The following LGR5 variants were observed in gnomAD, a reference collection of about 807,000 sequenced individuals.
LGR5 encodes leucine rich repeat containing G protein-coupled receptor 5.
A neutral mutation model predicts 76.7 loss-of-function variants in LGR5; 54 were observed. The ratio of observed to expected loss-of-function variants is 0.70; its 90% CI spans 0.57 to 0.88. The LOEUF is 0.88. Among genes scored for constraint, LGR5 ranks in the 40% least tolerant of loss-of-function variants. LGR5 has a pLI of 0.00. For missense variants in LGR5, 1,078 were observed against 1,073.3 expected, an observed-to-expected ratio of 1.00 and a Z score of -0.06; for synonymous variants, 406 against 421.9, an observed-to-expected ratio of 0.96 and a Z score of 0.46.
intron 3 of LGR5, among the ~76,000 whole-genome samples, chr12:71,526,322 C>T (rs1468917237): frequency 6.6e-6 from 1 of 152,116 alleles, no homozygotes; most frequent in Admixed American, 6.5e-5. Flanking sequence ...CACTTTGCTG[C>T]TTCTTAAGGT....
intron 1 of LGR5, among the ~76,000 whole-genome samples, chr12:71,492,093 G>A (rs970609542): frequency 3.9e-5 from 6 of 152,024 alleles, no homozygotes; most frequent in Non-Finnish European, 5.9e-5. Context: ...ATATTTATAG[G>A]TTCAGGACTT....
intron 1 of LGR5, among the ~76,000 whole-genome samples, chr12:71,489,845 T>A (rs1389837278): frequency 6.6e-6 from 1 of 152,114 alleles, no homozygotes; most frequent in Non-Finnish European, 1.5e-5. Flanking sequence ...GGAGTATCCC[T>A]TGAGCCCAGG....
intron 1 of LGR5, among the ~76,000 whole-genome samples, chr12:71,474,622 G>A (rs1255283501): frequency 6.6e-6 from 1 of 152,122 alleles, no homozygotes; most frequent in African/African-American, 2.4e-5. Flanking sequence ...ACTACCATTA[G>A]TAAATATATT....
chr12:71,566,786 A>G (rs1878368563), intron 10 of LGR5, 55 bp from the exon 11 acceptor site: 1 of 1,582,252 alleles, frequency 6.3e-7, no homozygotes, highest in Non-Finnish European at 8.7e-7. Context: ...GAGTCAAAAT[A>G]TGTCACTGTG....
intron 1 of LGR5, among the ~76,000 whole-genome samples, chr12:71,452,663 C>T (rs1565849132): frequency 6.6e-6 from 1 of 152,166 alleles, no homozygotes; most frequent in Non-Finnish European, 1.5e-5. Flanking sequence ...ATTTGACCCT[C>T]CTAACAAACA....
chr12:71,465,942 G>T (rs1429577633), intron 1 of LGR5, among the ~76,000 whole-genome samples: 1 of 152,194 alleles, frequency 6.6e-6, no homozygotes, highest in Non-Finnish European at 1.5e-5. Flanking sequence ...GGCAGCAACT[G>T]CACCTCTTCC....
At chr12:71,573,632 A>T (rs1475068751) in intron 13 of LGR5, among the ~76,000 whole-genome samples, 1 of 152,236 alleles carries the variant, frequency 6.6e-6, no homozygotes, top group African/African-American at 2.4e-5. Flanking sequence ...CGGTGATGAT[A>T]GGTAATGTTT....
chr12:71,467,008 G>GT (rs35895844), intron 1 of LGR5, among the ~76,000 whole-genome samples: 6,495 of 146,634 alleles, frequency 0.044, 304 homozygotes, highest in African/African-American at 0.12. Flanking sequence ...TGTGGACCAG[G>GT]TTTTTTTTTT....
chr12:71,548,672 A>G (rs993319489), intron 4 of LGR5, among the ~76,000 whole-genome samples: 12 of 152,314 alleles, frequency 7.9e-5, no homozygotes, highest in Middle Eastern at 3.4e-3. Flanking sequence ...AAGCAACCCT[A>G]TAAGATGGGA....
chr12:71,583,410 A>G, intron 17 of LGR5: 1 of 502,544 alleles, frequency 2.0e-6, no homozygotes, highest in Non-Finnish European at 3.5e-6. Flanking sequence ...CTCCATTCTC[A>G]TTTCTCCATC....
At chr12:71,579,134 A>G (rs1190360533) in intron 15 of LGR5, among the ~76,000 whole-genome samples, 1 of 152,206 alleles carries the variant, frequency 6.6e-6, no homozygotes, top group East Asian at 1.9e-4. Flanking sequence ...TTTCCTTCTC[A>G]AAGATGCCTC....
intron 12 of LGR5, 101 bp downstream of exon 12, chr12:71,571,680 C>T (rs940258583): frequency 4.7e-5 from 38 of 800,408 alleles, no homozygotes; most frequent in Admixed American, 1.6e-4. Context: ...ACTGGGGAGA[C>T]ATGTGATCCT....
At chr12:71,521,158 CAG>C (rs1385510257) in intron 2 of LGR5, among the ~76,000 whole-genome samples, 1 of 152,186 alleles carries the variant, frequency 6.6e-6, no homozygotes, top group African/African-American at 2.4e-5. Flanking sequence ...AGCAGAGAGA[CAG>C]AGAATATTGT....
chr12:71,513,690 G>T (rs1163367786), intron 2 of LGR5, among the ~76,000 whole-genome samples: 1 of 152,160 alleles, frequency 6.6e-6, no homozygotes, highest in Non-Finnish European at 1.5e-5. Context: ...TTGATAAATG[G>T]TAGCTACTAT....
intron 4 of LGR5, among the ~76,000 whole-genome samples, chr12:71,547,137 A>G (rs1336695680): frequency 6.6e-6 from 1 of 152,186 alleles, no homozygotes; most frequent in African/African-American, 2.4e-5. Flanking sequence ...TCTAAGTAAC[A>G]TTGCAAAGAC....
chr12:71,567,881 A>G (rs1878427117), intron 11 of LGR5, among the ~76,000 whole-genome samples: 1 of 152,142 alleles, frequency 6.6e-6, no homozygotes. Flanking sequence ...AAGTGCAGCT[A>G]CAGATAAGAA....
chr12:71,528,807 A>C (rs1011584014), intron 3 of LGR5, among the ~76,000 whole-genome samples: 3 of 152,172 alleles, frequency 2.0e-5, no homozygotes, highest in African/African-American at 7.2e-5. Context: ...CCAACTTCTG[A>C]GAAGGCAGTT....
chr12:71,449,801 G>A (rs1323651098), intron 1 of LGR5, among the ~76,000 whole-genome samples: 4 of 152,178 alleles, frequency 2.6e-5, no homozygotes, highest in African/African-American at 7.2e-5. Flanking sequence ...ACTACATTTA[G>A]AGTAAGTTCT....
chr12:71,550,922 A>G (rs1877450505), intron 4 of LGR5, among the ~76,000 whole-genome samples: 1 of 152,112 alleles, frequency 6.6e-6, no homozygotes, highest in African/African-American at 2.4e-5. Context: ...AAAAGCAATC[A>G]CCTCTTTATC....
Sources: allele counts gnomAD v4.1 joint callset (sites outside exome capture counted in the v4.1 genomes callset), GRCh38; gene constraint gnomAD v4.1.1; transcripts MANE v1.5; gene names NCBI Gene and HGNC (gene_info 2026-07-23, HGNC 2026-07-21).